Variants in RBBP6 observed in about 807,000 individuals in gnomAD.
The protein encoded by RBBP6 is RB binding protein 6, ubiquitin ligase.
In RBBP6, 25 loss-of-function variants were observed where a neutral mutation model predicts 167.7. The ratio of observed to expected loss-of-function variants is 0.15; its 90% CI spans 0.11 to 0.21. The LOEUF (loss-of-function observed/expected upper bound fraction) is 0.21, where lower values mean the gene tolerates loss of function less well. Among genes scored for constraint, RBBP6 ranks in the 10% least tolerant of loss-of-function variants. RBBP6 has a pLI of 1.00. For missense variants in RBBP6, 1,868 were observed against 2,134.2 expected (o/e 0.88, Z 2.46); for synonymous variants, 789 against 735.8 (o/e 1.07, Z -1.17).
At chr16:24,552,725 C>G (rs1290245783) in intron 3 of RBBP6, among the ~76,000 whole-genome samples, 3 of 151,788 alleles carry the variant, frequency 2.0e-5, no homozygotes, top group African/African-American at 7.2e-5. Context: ...CAGTTATCTC[C>G]CCCTCTTCAG....
rs1469279957 is a variant in RBBP6 at position 24,559,673 on chromosome 16, T to C, written c.843T>C (p.Asp281=). The change falls in exon 8 of 18, where the codon GAT becomes GAC. Residue 281 remains aspartate, a synonymous_variant. Coordinates refer to ENST00000319715, the MANE Select transcript of RBBP6 (RefSeq NM_006910.5). The part of the protein sequence containing the change: ...VIPCCGNSYC[D]ECIRTALLES... ...CCTGCTGTGGAAACAGTTACTGTGA[T>C]GAATGTAAGAAGTGCTGAATCTTGG... 6.5e-7 allele frequency: 1 copy of C among 1,549,772 alleles called. No individual in the cohort carries two copies. Among genetic ancestry groups the C allele is most frequent in the African/African-American group, 1.4e-5 (1 of 72,696 alleles).
At position 24,562,490 on chromosome 16, in the gene RBBP6, G is replaced by C. The variant is rs193297172; in HGVS notation, c.1289+329G>C. 2.4e-4 allele frequency among the ~76,000 whole-genome samples: 36 copies of C among 152,258 alleles called. No individual in the cohort carries two copies. In the East Asian group the frequency reaches 6.9e-3, roughly 29 times the overall value. ...GTGATCATAATGATAGTTTTGGATA[G>C]GAGTAGTTTTGAGTAGAACTAAGAA... On this transcript the variant is annotated intron_variant, in intron 10 of 17. Coordinates refer to ENST00000319715, the MANE Select transcript of RBBP6 (RefSeq NM_006910.5).
At chr16:24,541,243 TTGA>T (rs1422266851) in intron 1 of RBBP6, among the ~76,000 whole-genome samples, 2 of 151,548 alleles carry the variant, frequency 1.3e-5, no homozygotes, top group Non-Finnish European at 2.9e-5. Context: ...ATTGTGGAGT[TTGA>T]TGGCAAATTT....
Position 24,549,226 on chromosome 16 carries a change from C to T in RBBP6, c.303+245C>T. On this transcript the variant is annotated intron_variant, in intron 3 of 17. Coordinates refer to ENST00000319715, the MANE Select transcript of RBBP6 (RefSeq NM_006910.5). ...TCATATTAAATATGATAGCATTATC[C>T]CTGTATGACACTGTGTTGTACAGTT... is the stretch of plus-strand genomic sequence containing the variant. 4 of 1,398,730 alleles carry T rather than the reference C, an allele frequency of 2.9e-6. No individual in the cohort carries two copies. In the South Asian group the frequency reaches 6.6e-5, roughly 23 times the overall value. 86.6% of individuals were successfully genotyped at this position (1,398,730 alleles called of 1,614,324 possible). A position where few individuals can be genotyped will look rare whatever the true frequency, so the allele number is the denominator to read the frequency against.
Position 24,569,746 on chromosome 16 carries a change from C to T in RBBP6, c.3056C>T (p.Thr1019Ile). ...AAACCAAAAGCAAAGGGTGATAAAA[C>T]CAAACGGAAGAATGATGGATCTGCT... ...RDKPKAKGDK[T>I]KRKNDGSAVS... The change falls in exon 17 of 18, where the codon ACC (threonine) becomes ATC (isoleucine). Residue 1019 changes from threonine to isoleucine, a missense_variant. Coordinates refer to ENST00000319715, the MANE Select transcript of RBBP6 (RefSeq NM_006910.5). The T allele has an allele frequency of 2.5e-6, 4 of 1,613,850 alleles. No individual in the cohort carries two copies. Among genetic ancestry groups the T allele is most frequent in the Non-Finnish European group, 3.4e-6 (4 of 1,179,954 alleles).
intron 1 of RBBP6, among the ~76,000 whole-genome samples, chr16:24,542,124 A>G (rs1367888280): frequency 2.6e-5 from 4 of 152,186 alleles, no homozygotes; most frequent in Non-Finnish European, 4.4e-5. Flanking sequence ...ACCCTTTGAT[A>G]ATTGGAGCTA....
At chr16:24,541,181 C>CAAAAA (rs751954607) in intron 1 of RBBP6, among the ~76,000 whole-genome samples, 11 of 57,968 alleles carry the variant, frequency 1.9e-4, no homozygotes, top group South Asian at 1.3e-3. Context: ...GTTCAATCAG[C>CAAAAA]AAAAAAAAAA....
intron 1 of RBBP6, among the ~76,000 whole-genome samples, chr16:24,543,919 G>C (rs1898567543): frequency 6.6e-6 from 1 of 151,984 alleles, no homozygotes; most frequent in Admixed American, 6.6e-5. Context: ...CAAAAAAACT[G>C]GCAAGCAGAA....
At chr16:24,559,819 G>C in intron 8 of RBBP6, 142 bp downstream of exon 8, 1 of 675,042 alleles carries the variant, frequency 1.5e-6, no homozygotes, top group East Asian at 3.4e-5. Flanking sequence ...TAAGTAGTGA[G>C]AAGTCTGTTT....
intron 2 of RBBP6, among the ~76,000 whole-genome samples, chr16:24,547,453 ATTGTTTTGTT>A (rs1199860007): frequency 6.6e-6 from 1 of 152,012 alleles, no homozygotes; most frequent in Admixed American, 6.6e-5. Context: ...ATATATATAT[ATTGTTTTGTT>A]TTGTTTTGTT....
In RBBP6 at chr16:24,572,125, A is replaced by G. The variant is rs1899354951; in HGVS notation, c.5059A>G (p.Ile1687Val). The change falls in exon 18 of 18, where the codon ATA becomes GTA. Residue 1687 changes from isoleucine (I) to valine (V), a missense_variant. Ile to Val is a conservative substitution (Grantham distance 29). Coordinates refer to ENST00000319715, the MANE Select transcript of RBBP6 (RefSeq NM_006910.5). ...LDTAAVVQVG[I>V]SRNQSHSSPS... ...CACAGCAGCAGTTGTCCAGGTGGGC[A>G]TAAGCAGGAATCAGAGCCACAGCAG... is the stretch of plus-strand genomic sequence containing the variant. The G allele has an allele frequency of 1.2e-6, 2 of 1,614,072 alleles. No homozygotes were observed. Among genetic ancestry groups the G allele is most frequent in the Non-Finnish European group, 1.7e-6 (2 of 1,180,042 alleles).
chr16:24,551,439 AT>A (rs151290804), intron 3 of RBBP6, among the ~76,000 whole-genome samples: 2,055 of 151,892 alleles, frequency 0.014, 54 homozygotes, highest in African/African-American at 0.047. Context: ...TGTAGGAAAC[AT>A]TTGTTTGCTT....
Position 24,569,325 on chromosome 16 carries a change from C to A in RBBP6, c.2635C>A (p.Arg879Ser). 6.2e-7 allele frequency: 1 copy of A among 1,613,194 alleles called. No individual in the cohort carries two copies. The highest frequency in any genetic ancestry group is 8.5e-7 in the Non-Finnish European group (1 of 1,179,844). ...NIRNSPFTRG[R>S]REDYVGGQSH... Reference sequence around the variant, plus strand: ...CAGGAATTCTCCCTTCACAAGAGGCCGCAGAGAAGACTATGTTGGTGGGCA... The same window carrying A: ...CAGGAATTCTCCCTTCACAAGAGGCAGCAGAGAAGACTATGTTGGTGGGCA... The change falls in exon 17 of 18, where the codon CGC (arginine) becomes AGC (serine). Residue 879 changes from arginine (R) to serine (S), a missense_variant. Around this residue, in one of 7 missense-constraint regions of RBBP6, gnomAD observed 673 missense variants for 691.5 expected, o/e 0.97. Transcript: ENST00000319715.
chr16:24,571,489 A>C lies in RBBP6; in HGVS notation c.4423A>C (p.Thr1475Pro), dbSNP rs146145403. Residue 1475 changes from threonine to proline, a missense_variant, in exon 18 of 18, where the codon ACT (threonine) becomes CCT (proline). Around this residue, in one of 7 missense-constraint regions of RBBP6, gnomAD observed 591 missense variants for 540.5 expected, o/e 1.09. Transcript: ENST00000319715. Reference protein sequence around the residue: ...KDFTPNRDKKTDYDTREYSSS... With the variant: ...KDFTPNRDKKPDYDTREYSSS... ...CTTCACTCCCAATAGAGACAAAAAA[A>C]CTGACTATGACACCAGAGAGTATTC... 2.7e-5 allele frequency: 44 copies of C among 1,612,226 alleles called. No individual in the cohort carries two copies. Among genetic ancestry groups the C allele is most frequent in the Non-Finnish European group, 3.1e-5 (36 of 1,179,638 alleles).
rs751820573 is a variant in RBBP6, at chr16:24,563,674, T to C, written c.1520+10T>C. The C allele has an allele frequency of 6.2e-6, 10 of 1,608,856 alleles. No homozygotes were observed. Among genetic ancestry groups the C allele is most frequent in the Admixed American group, 1.7e-5 (1 of 59,574 alleles). On this transcript the variant is annotated intron_variant, in intron 13 of 17. Transcript: ENST00000319715. ...GACCAGGCTGGGAACAGTGAGTAGATGTTTACAATAATCTTCAGATGATTG... is the reference window on the plus strand; with the variant it reads ...GACCAGGCTGGGAACAGTGAGTAGACGTTTACAATAATCTTCAGATGATTG...
At chr16:24,555,757 C>T in intron 5 of RBBP6, 54 bp downstream of exon 5, 4 of 1,590,638 alleles carry the variant, frequency 2.5e-6, no homozygotes, top group Non-Finnish European at 3.4e-6. Context: ...GGTTTTCCCC[C>T]CCAATCAAAA....
chr16:24,551,342 T>G (rs1402701459), intron 3 of RBBP6, among the ~76,000 whole-genome samples: 2 of 151,870 alleles, frequency 1.3e-5, no homozygotes, highest in Non-Finnish European at 3.0e-5. Flanking sequence ...TCACTATTTT[T>G]ATTGATGTTT....
At chr16:24,550,006 A>G (rs565961105) in intron 3 of RBBP6, among the ~76,000 whole-genome samples, 4 of 152,010 alleles carry the variant, frequency 2.6e-5, no homozygotes, top group Non-Finnish European at 5.9e-5. Flanking sequence ...TTCATAACAC[A>G]GGTCTATCAT....
intron 15 of RBBP6, 114 bp downstream of exon 15, chr16:24,567,619 A>G (rs1899227019): frequency 1.5e-6 from 2 of 1,372,020 alleles, no homozygotes; most frequent in Admixed American, 5.2e-5. Flanking sequence ...AAATTCACCT[A>G]AAATTTAAAC....
Sources: allele counts gnomAD v4.1 joint callset (sites outside exome capture counted in the v4.1 genomes callset), GRCh38; gene constraint gnomAD v4.1.1; regional missense constraint gnomAD v4.1.1; transcripts MANE v1.5; gene names NCBI Gene and HGNC (gene_info 2026-07-23, HGNC 2026-07-21).